Variants in OTUD7A observed in about 807,000 individuals in gnomAD.
OTUD7A encodes OTU domain-containing protein 7A.
Under a neutral mutation model 65.7 loss-of-function variants are expected in OTUD7A, and 12 were observed. The ratio of observed to expected loss-of-function variants is 0.18; its 90% CI spans 0.12 to 0.30. The LOEUF is 0.30. Among genes scored for constraint, OTUD7A ranks in the 10% least tolerant of loss-of-function variants. The pLI, the probability that OTUD7A is intolerant of heterozygous loss-of-function variation, is 1.00. For missense variants in OTUD7A, 1,148 were observed against 1,304.8 expected (o/e 0.88, Z 1.85); for synonymous variants, 641 against 586.3 (o/e 1.09, Z -1.35).
chr15:31,496,618 T>C (rs951880109), intron 10 of OTUD7A, among the ~76,000 whole-genome samples: 8 of 152,232 alleles, frequency 5.3e-5, no homozygotes, highest in Non-Finnish European at 7.3e-5. Flanking sequence ...TAAAAAGAGA[T>C]TGGATCTGTT....
At chr15:31,530,568 G>T in intron 6 of OTUD7A, 139 bp downstream of exon 6, 1 of 716,770 alleles carries the variant, frequency 1.4e-6, no homozygotes, top group Non-Finnish European at 2.2e-6. Flanking sequence ...CTGTCTCCTG[G>T]GGACTTTCTC....
chr15:31,628,362 T>A (rs1891030758), intron 3 of OTUD7A, among the ~76,000 whole-genome samples: 1 of 152,224 alleles, frequency 6.6e-6, no homozygotes, highest in Admixed American at 6.5e-5. Context: ...CCTTTCCCCA[T>A]TGCTTGTTTC....
At chr15:31,818,443 C>G (rs1352877074) in intron 1 of OTUD7A, among the ~76,000 whole-genome samples, 1 of 152,226 alleles carries the variant, frequency 6.6e-6, no homozygotes, top group Non-Finnish European at 1.5e-5. Flanking sequence ...ATGGTAGTCA[C>G]AGGTGTTACT....
In OTUD7A at chr15:31,507,780, T is replaced by C. The variant is rs574460957; in HGVS notation, c.894-3962A>G. Among the ~76,000 whole-genome samples the C allele has an allele frequency of 2.0e-5, 3 of 152,336 alleles. No individual in the cohort carries two copies. In the East Asian group the frequency reaches 5.8e-4, roughly 29 times the overall value. ...ATTGGTGCGTTTTACAGAGCACTGATTGGTGTGTTTTACAGTCCTAGCTAC... is the reference window on the plus strand; with the variant it reads ...ATTGGTGCGTTTTACAGAGCACTGACTGGTGTGTTTTACAGTCCTAGCTAC... On this transcript the variant is annotated intron_variant, in intron 8 of 12. Coordinates refer to ENST00000307050, the MANE Select transcript of OTUD7A (RefSeq NM_001382637.1).
At chr15:31,514,696 C>T (rs1430780415) in intron 8 of OTUD7A, among the ~76,000 whole-genome samples, 3 of 152,246 alleles carry the variant, frequency 2.0e-5, no homozygotes, top group Admixed American at 6.5e-5. Context: ...GCCCTCTTCA[C>T]CTGTGTGGCT....
Position 31,859,047 on chromosome 15 carries a change from T to C in OTUD7A, c.-100+11460A>G, listed in dbSNP as rs754788002. On this transcript the variant is annotated intron_variant, in intron 1 of 12. Coordinates refer to ENST00000307050, the MANE Select transcript of OTUD7A (RefSeq NM_001382637.1). ...ATTAGATAATCTACACAAAAGTATT[T>C]TGCAAACTGCAAAGCACTATAAAAC... Among the ~76,000 whole-genome samples, 17 of 152,376 alleles carry C rather than the reference T, an allele frequency of 1.1e-4. No homozygotes were observed. The South Asian group carries it at 1.9e-3, about 17-fold the overall frequency.
Position 31,484,914 on chromosome 15 carries a change from C to T in OTUD7A, c.1372-190G>A, listed in dbSNP as rs535709841. On this transcript the variant is annotated intron_variant, in intron 12 of 12. Coordinates refer to ENST00000307050, the MANE Select transcript of OTUD7A (RefSeq NM_001382637.1). This position sits in a 1 kb window ranked among gnomAD's most constrained non-coding sequence, Gnocchi z 4.5. ...TGCTGAAGGAGCGGATAGGAGTGGG[C>T]TCTGATCTGCTGCGGTAGTAAAAGG... Among the ~76,000 whole-genome samples the T allele has an allele frequency of 4.8e-4, 73 of 152,286 alleles. No homozygotes were observed. Among genetic ancestry groups the T allele is most frequent in the African/African-American group, 1.8e-3 (73 of 41,570 alleles).
intron 3 of OTUD7A, among the ~76,000 whole-genome samples, chr15:31,601,139 C>T (rs990519482): frequency 2.0e-5 from 3 of 152,184 alleles, no homozygotes; most frequent in Non-Finnish European, 4.4e-5. Flanking sequence ...CTCTCCACCC[C>T]AAATCGACAG....
chr15:31,613,175 C>T (rs1172252007), intron 3 of OTUD7A, among the ~76,000 whole-genome samples: 2 of 152,108 alleles, frequency 1.3e-5, no homozygotes, highest in Non-Finnish European at 2.9e-5. Context: ...TATATAAGAC[C>T]TGAAACTATA....
At chr15:31,741,118 T>C (rs1477388677) in intron 1 of OTUD7A, among the ~76,000 whole-genome samples, 2 of 152,140 alleles carry the variant, frequency 1.3e-5, no homozygotes, top group Non-Finnish European at 2.9e-5. Context: ...AAATGCATCA[T>C]AAAAAATTTA....
At position 31,483,141 on chromosome 15, in the gene OTUD7A, G is replaced by T; in HGVS notation, c.*153C>A. 1 of 705,614 alleles carries T rather than the reference G, an allele frequency of 1.4e-6. No homozygotes were observed. Among genetic ancestry groups the T allele is most frequent in the South Asian group, 6.4e-5 (1 of 15,558 alleles). The allele number at this position is 705,614 out of a possible 1,614,324, so 43.7% of individuals were successfully genotyped here. A position where few individuals can be genotyped will look rare whatever the true frequency, so the allele number is the denominator to read the frequency against. The stretch of plus-strand genomic sequence containing the variant: ...CTGAGTGGCGTCAGTGTAGGTTCAG[G>T]CACCATTAGGAACGTTTGACCAAAC... On this transcript the variant is annotated 3_prime_UTR_variant, in exon 13 of 13. Coordinates refer to ENST00000307050, the MANE Select transcript of OTUD7A (RefSeq NM_001382637.1).
At chr15:31,730,982 G>A (rs74731212) in intron 1 of OTUD7A, among the ~76,000 whole-genome samples, 181 of 152,276 alleles carry the variant, frequency 1.2e-3, no homozygotes, top group African/African-American at 3.8e-3. Flanking sequence ...CAAAATATAC[G>A]TACAAAATAT....
At chr15:31,780,377 T>C (rs1243393805) in intron 1 of OTUD7A, among the ~76,000 whole-genome samples, 7 of 152,208 alleles carry the variant, frequency 4.6e-5, no homozygotes, top group African/African-American at 1.2e-4. Flanking sequence ...AACTTTACTA[T>C]AGATTAAATT....
intron 1 of OTUD7A, among the ~76,000 whole-genome samples, chr15:31,837,287 G>A (rs1897076566): frequency 6.6e-6 from 1 of 151,630 alleles, no homozygotes; most frequent in Admixed American, 6.6e-5. Context: ...TCAGCACTTT[G>A]GGAGGCTGAG....
At chr15:31,784,937 G>A (rs1211186977) in intron 1 of OTUD7A, among the ~76,000 whole-genome samples, 2 of 152,184 alleles carry the variant, frequency 1.3e-5, no homozygotes, top group African/African-American at 2.4e-5. Context: ...TTAAAGTAGG[G>A]TCAGTTCAGA....
At chr15:31,641,170 TATAA>T in intron 3 of OTUD7A, among the ~76,000 whole-genome samples, 1 of 135,136 alleles carries the variant, frequency 7.4e-6, no homozygotes, top group Admixed American at 7.2e-5. Context: ...GTGAAGGTTT[TATAA>T]GTGTCTGGCC....
intron 1 of OTUD7A, among the ~76,000 whole-genome samples, chr15:31,743,926 A>T (rs906351500): frequency 6.6e-6 from 1 of 152,106 alleles, no homozygotes; most frequent in Non-Finnish European, 1.5e-5. Flanking sequence ...CAGATGAAGG[A>T]GGGAACAGCA....
At chr15:31,824,014 T>C (rs951296695) in intron 1 of OTUD7A, among the ~76,000 whole-genome samples, 1 of 152,188 alleles carries the variant, frequency 6.6e-6, no homozygotes, top group African/African-American at 2.4e-5. Flanking sequence ...TTCCAGACAA[T>C]CTTACAGGCT....
At position 31,814,527 on chromosome 15, in the gene OTUD7A, C is replaced by G. The variant is rs563187264; in HGVS notation, c.-100+55980G>C. Among the ~76,000 whole-genome samples, 16 of 144,742 alleles carry G rather than the reference C, an allele frequency of 1.1e-4. No individual in the cohort carries two copies. The East Asian group carries it at 3.2e-3, about 29-fold the overall frequency. 95.0% of individuals were successfully genotyped at this position (144,742 alleles called of 152,430 possible). On this transcript the variant is annotated intron_variant, in intron 1 of 12. Coordinates refer to ENST00000307050, the MANE Select transcript of OTUD7A (RefSeq NM_001382637.1). ...GGAATTCAAAAACCTTGCGTAAGTT[C>G]TTTTTTTTTTTTTTGAGACAGAGTC...
Sources: gnomAD v4.1 joint callset for allele counts (sites outside exome capture counted in the v4.1 genomes callset) on GRCh38, gnomAD v4.1.1 for gene constraint, Gnocchi (gnomAD v3.1) non-coding constraint, MANE v1.5 for transcripts, NCBI Gene and HGNC (gene_info 2026-07-23, HGNC 2026-07-21) for gene names.